SYNPO: variants seen among roughly 807,000 people sequenced by gnomAD.
SYNPO encodes the protein synaptopodin.
Under a neutral mutation model 49.5 loss-of-function variants are expected in SYNPO, and 19 were observed. That is an observed-to-expected ratio of 0.38 (90% CI 0.27 to 0.56). SYNPO has a LOEUF of 0.56. SYNPO is among the 20% of genes least tolerant of loss of function. The pLI, the probability that SYNPO is intolerant of heterozygous loss-of-function variation, is 0.68. For synonymous variants in SYNPO, 536 were observed against 548.0 expected, an observed-to-expected ratio of 0.98 and a Z score of 0.31; for missense variants, 1,131 against 1,248.3, an observed-to-expected ratio of 0.91 and a Z score of 1.42.
rs1758200698 is a variant in SYNPO, at chr5:150,648,538, G to T, written c.263G>T (p.Ser88Ile). ...CTCACCACACCAACTTCTAACAGCA[G>T]CCACAATCCGCCAGCCACCGATGTC... ...ATLTTPTSNS[S>I]HNPPATDVNQ... Residue 88 changes from serine (S) to isoleucine (I), a missense_variant, in exon 2 of 3, where the codon AGC (serine) becomes ATC (isoleucine). Physicochemically the swap from Ser to Ile is moderately radical, Grantham distance 142. Coordinates refer to ENST00000307662, the MANE Select transcript of SYNPO (RefSeq NM_007286.6). This position sits in a 1 kb window ranked among gnomAD's most constrained non-coding sequence, Gnocchi z 5.0. 6.2e-7 allele frequency: 1 copy of T among 1,614,002 alleles called. No individual in the cohort carries two copies. Among genetic ancestry groups the T allele is most frequent in the Admixed American group, 1.7e-5 (1 of 60,004 alleles).
intron 2 of SYNPO, among the ~76,000 whole-genome samples, chr5:150,625,908 TG>T (rs2151380236): frequency 6.6e-6 from 1 of 152,228 alleles, no homozygotes; most frequent in South Asian, 2.1e-4. Flanking sequence ...TAAACCAACT[TG>T]TTATGTGATC....
chr5:150,601,674 C>T (rs1385054617), intron 1 of SYNPO, among the ~76,000 whole-genome samples: 1 of 152,168 alleles, frequency 6.6e-6, no homozygotes, highest in East Asian at 1.9e-4. Context: ...AAGTCCTGGG[C>T]ACACTCCTAC....
At position 150,642,417 on chromosome 5, in the gene SYNPO, G is replaced by T. The variant is rs188673850; in HGVS notation, c.-333+1563G>T. Among the ~76,000 whole-genome samples the T allele has an allele frequency of 1.8e-4, 27 of 152,342 alleles. No individual in the cohort carries two copies. In the East Asian group the frequency reaches 5.2e-3, roughly 29 times the overall value. On this transcript the variant is annotated intron_variant, in intron 1 of 2. Coordinates refer to ENST00000307662, the MANE Select transcript of SYNPO (RefSeq NM_007286.6). ...TTGGCCCTGCAGAAGTTTAGGTGGG[G>T]AGGCGGTGGGGACATCATGACTTGC...
upstream of SYNPO, among the ~76,000 whole-genome samples, chr5:150,597,175 T>G (rs1395333338): frequency 6.6e-6 from 1 of 152,140 alleles, no homozygotes; most frequent in Non-Finnish European, 1.5e-5. Flanking sequence ...TCTGAGCCCA[T>G]GCTCAAGGAC....
At chr5:150,641,137 G>A (rs1378594269) in intron 1 of SYNPO, among the ~76,000 whole-genome samples, 7 of 152,166 alleles carry the variant, frequency 4.6e-5, no homozygotes, top group African/African-American at 9.7e-5. Context: ...GATTGCGCTC[G>A]CCATGACTCT....
intron 2 of SYNPO, chr5:150,624,852 A>G (rs886977988): frequency 2.0e-6 from 2 of 984,664 alleles, no homozygotes; most frequent in African/African-American, 3.5e-5. Context: ...GGACGCGGCC[A>G]GGTGTGCCGA....
intron 2 of SYNPO, among the ~76,000 whole-genome samples, chr5:150,619,463 A>G (rs1252581203): frequency 2.0e-5 from 3 of 152,190 alleles, no homozygotes; most frequent in African/African-American, 7.2e-5. Flanking sequence ...TGGGGAGAGC[A>G]CAGTGTGCGC....
intron 2 of SYNPO, chr5:150,650,584 G>C: frequency 1.4e-6 from 2 of 1,453,406 alleles, no homozygotes; most frequent in Non-Finnish European, 1.8e-6. Context: ...GTCATGGAGA[G>C]AGAACTGTCT....
the SYNPO span, among the ~76,000 whole-genome samples, chr5:150,594,940 C>T: frequency 2.0e-5 from 3 of 152,166 alleles, no homozygotes; most frequent in African/African-American, 7.2e-5. Flanking sequence ...AGGTCAGAGG[C>T]CTGAGAAGAG....
chr5:150,588,673 G>A, the SYNPO span, among the ~76,000 whole-genome samples: 1 of 152,148 alleles, frequency 6.6e-6, no homozygotes, highest in Non-Finnish European at 1.5e-5. Context: ...GAAGGGGGCA[G>A]GGGAGAGAAG....
In SYNPO at chr5:150,656,771, C is replaced by G. The variant is rs1758579076; in HGVS notation, c.2396C>G (p.Pro799Arg). ...CCCCCGCCCCCGCCCCCGCCCCCGCCCCCGCGCATGCGCTCGCCACAGCCC... is the reference window on the plus strand; with the variant it reads ...CCCCCGCCCCCGCCCCCGCCCCCGCGCCCGCGCATGCGCTCGCCACAGCCC... ...PPPPPPPPPP[P>R]PRMRSPQPAR... The change falls in exon 3 of 3, where the codon CCC becomes CGC. Residue 799 changes from proline to arginine, a missense_variant. By Grantham distance (103) the Pro-to-Arg change is moderately radical. Coordinates refer to ENST00000307662, the MANE Select transcript of SYNPO (RefSeq NM_007286.6). The G allele has an allele frequency of 9.7e-6, 12 of 1,235,842 alleles. No homozygotes were observed. In the South Asian group the frequency reaches 2.8e-4, roughly 29 times the overall value. The allele number at this position is 1,235,842 out of a possible 1,614,324, so 76.6% of individuals were successfully genotyped here. A position where few individuals can be genotyped will look rare whatever the true frequency, so the allele number is the denominator to read the frequency against.
At chr5:150,618,724 C>A in exon 2 of SYNPO, 1 of 1,550,590 alleles carries the variant, frequency 6.4e-7, no homozygotes, top group Non-Finnish European at 8.7e-7. Context: ...TGATGACAGC[C>A]AGCCCCAGCC....
rs561705543 is a variant in SYNPO at position 150,647,730 on chromosome 5, G to A, written c.-332-214G>A. Among the ~76,000 whole-genome samples the A allele has an allele frequency of 9.2e-5, 14 of 152,326 alleles. No homozygotes were observed. In the South Asian group the frequency reaches 1.0e-3, roughly 11 times the overall value. ...ATCCTGAGAGGATAATCAGGGTGGC[G>A]TAGACGTGGTGGCATTTGAGTTGGG... On this transcript the variant is annotated intron_variant, in intron 1 of 2. Coordinates refer to ENST00000307662, the MANE Select transcript of SYNPO (RefSeq NM_007286.6).
At chr5:150,633,760 G>T (rs965254364) in intron 2 of SYNPO, among the ~76,000 whole-genome samples, 1 of 152,168 alleles carries the variant, frequency 6.6e-6, no homozygotes, top group African/African-American at 2.4e-5. Context: ...ATCTCTGATG[G>T]ATGAAAAGTG....
chr5:150,630,076 G>A (rs1757488369), intron 2 of SYNPO, among the ~76,000 whole-genome samples: 1 of 152,148 alleles, frequency 6.6e-6, no homozygotes. Context: ...TAGGGTCCGG[G>A]GCTCTGAGAT....
At chr5:150,618,284 A>T in exon 2 of SYNPO, 1 of 1,440,614 alleles carries the variant, frequency 6.9e-7, no homozygotes, top group Non-Finnish European at 9.2e-7. Flanking sequence ...AGCAGAGACC[A>T]GGGCTCACAC....
chr5:150,650,316 T>G lies in SYNPO; in HGVS notation c.2028+13T>G. 6.2e-7 allele frequency: 1 copy of G among 1,614,044 alleles called. No homozygotes were observed. ...GATCGAGGCTCAGGTGTGGAAGCCTTCCTTCTGCTTCAAGTAACGAACCCC... is the reference window on the plus strand; with the variant it reads ...GATCGAGGCTCAGGTGTGGAAGCCTGCCTTCTGCTTCAAGTAACGAACCCC... On this transcript the variant is annotated intron_variant, in intron 2 of 2. Transcript: ENST00000307662.
intron 2 of SYNPO, among the ~76,000 whole-genome samples, chr5:150,628,616 G>A (rs374553332): frequency 3.0e-4 from 45 of 152,318 alleles, no homozygotes; most frequent in African/African-American, 9.6e-4. Context: ...TTTGATCTCT[G>A]TTAAAATAGC....
intron 2 of SYNPO, 119 bp downstream of exon 2, chr5:150,650,422 G>A: frequency 4.5e-6 from 7 of 1,554,958 alleles, no homozygotes; most frequent in South Asian, 1.2e-5. Context: ...GCACAGAGCT[G>A]AGTGAGGAGA....
Sources: gnomAD v4.1 joint callset for allele counts (sites outside exome capture counted in the v4.1 genomes callset) on GRCh38, gnomAD v4.1.1 for gene constraint, Gnocchi (gnomAD v3.1) non-coding constraint, MANE v1.5 for transcripts, NCBI Gene and HGNC (gene_info 2026-07-23, HGNC 2026-07-21) for gene names.